Variants in GRP observed in about 807,000 individuals in gnomAD.
GRP encodes gastrin-releasing peptide.
Under a neutral mutation model 12.7 loss-of-function variants are expected in GRP, and 11 were observed. The observed-to-expected ratio is 0.87, with a 90% CI of 0.55 to 1.44. The LOEUF (loss-of-function observed/expected upper bound fraction) is 1.44. Ranked by LOEUF, GRP falls within the 40% of genes most tolerant of loss-of-function variation. The pLI, the probability that GRP is intolerant of heterozygous loss-of-function variation, is 0.00. For synonymous variants in GRP, 84 were observed against 77.7 expected, an observed-to-expected ratio of 1.08 and a Z score of -0.43; for missense variants, 212 against 185.4, an observed-to-expected ratio of 1.14 and a Z score of -0.83.
intron 2 of GRP, among the ~76,000 whole-genome samples, chr18:59,227,013 CTTTCTTT>C (rs1330546317): frequency 7.7e-6 from 1 of 130,102 alleles, no homozygotes; most frequent in Non-Finnish European, 1.7e-5. Context: ...TTCTTTCTTT[CTTTCTTT>C]CTTTCTTTCT....
chr18:59,224,097 T>C lies in GRP; in HGVS notation c.140-1395T>C, dbSNP rs576325901. On this transcript the variant is annotated intron_variant, in intron 1 of 2. Coordinates refer to ENST00000256857, the MANE Select transcript of GRP (RefSeq NM_002091.5). Reference sequence around the variant, plus strand: ...AAGCCTTTTGTAGACCTTATCCTTATTTCCAGATCCCAGAATGATTTTAGC... The same window carrying C: ...AAGCCTTTTGTAGACCTTATCCTTACTTCCAGATCCCAGAATGATTTTAGC... 2.6e-5 allele frequency among the ~76,000 whole-genome samples: 4 copies of C among 152,362 alleles called. No individual in the cohort carries two copies. In the South Asian group the frequency reaches 8.3e-4, roughly 32 times the overall value.
At chr18:59,222,413 A>G (rs939695597) in intron 1 of GRP, among the ~76,000 whole-genome samples, 4 of 152,194 alleles carry the variant, frequency 2.6e-5, no homozygotes, top group Admixed American at 2.6e-4. Flanking sequence ...TTATTCTCAA[A>G]TGCACTTTTT....
Position 59,220,183 on chromosome 18 carries a change from G to T in GRP, c.-83G>T. The T allele has an allele frequency of 8.7e-7, 1 of 1,151,184 alleles. No homozygotes were observed. Among genetic ancestry groups the T allele is most frequent in the African/African-American group, 1.6e-5 (1 of 61,376 alleles). 71.3% of individuals were successfully genotyped at this position (1,151,184 alleles called of 1,614,324 possible). On this transcript the variant is annotated 5_prime_UTR_variant, in exon 1 of 3. Transcript: ENST00000256857. ...AGCAGTAGCACCAGCGGCTGCGGCGGCGGAGCTCCTCCGAGGTCCGGGTCA... is the reference window on the plus strand; with the variant it reads ...AGCAGTAGCACCAGCGGCTGCGGCGTCGGAGCTCCTCCGAGGTCCGGGTCA...
chr18:59,221,713 G>A (rs2069838814), intron 1 of GRP, among the ~76,000 whole-genome samples: 1 of 152,108 alleles, frequency 6.6e-6, no homozygotes, highest in Admixed American at 6.5e-5. Context: ...AATCTTGATA[G>A]AAGATAAATA....
intron 2 of GRP, among the ~76,000 whole-genome samples, chr18:59,226,992 C>CCTTTCTTTCTTTCTTTCTTT (rs34258044): frequency 6.5e-5 from 7 of 107,890 alleles, no homozygotes; most frequent in East Asian, 2.4e-4. Flanking sequence ...TTCTTTTCTT[C>CCTTTCTTTCTTTCTTTCTTT]CTTTCTTTCT....
At chr18:59,226,505 C>T (rs565252312) in intron 2 of GRP, among the ~76,000 whole-genome samples, 1 of 152,164 alleles carries the variant, frequency 6.6e-6, no homozygotes, top group Non-Finnish European at 1.5e-5. Flanking sequence ...TTGGGCTAAG[C>T]AGTTTACCTC....
chr18:59,219,242 T>C (rs143069359), upstream of GRP, among the ~76,000 whole-genome samples: 1 of 151,484 alleles, frequency 6.6e-6, no homozygotes, highest in African/African-American at 2.4e-5. Flanking sequence ...CATAAAGCAG[T>C]TTCTTTCTCT....
intron 2 of GRP, among the ~76,000 whole-genome samples, chr18:59,227,687 C>A (rs2069965849): frequency 6.6e-6 from 1 of 152,144 alleles, no homozygotes; most frequent in African/African-American, 2.4e-5. Context: ...TTCTATAGTG[C>A]CTCATTTTTG....
At chr18:59,229,476 G>C (rs2069996470) in intron 2 of GRP, among the ~76,000 whole-genome samples, 1 of 152,146 alleles carries the variant, frequency 6.6e-6, no homozygotes, top group African/African-American at 2.4e-5. Flanking sequence ...GCCTGGGTTG[G>C]TGGAGGCAAG....
chr18:59,226,991 TCCTTTCTTTCTTTCTTTC>T (rs1198357237), intron 2 of GRP, among the ~76,000 whole-genome samples: 48 of 134,466 alleles, frequency 3.6e-4, no homozygotes, highest in African/African-American at 1.5e-3. Flanking sequence ...TTTCTTTTCT[TCCTTTCTTTCTTTCTTTC>T]TTTCTTTCTT....
At position 59,220,339 on chromosome 18, in the gene GRP, C is replaced by T. The variant is rs779351362; in HGVS notation, c.74C>T (p.Pro25Leu). Residue 25 changes from proline to leucine, a missense_variant, in exon 1 of 3, where the codon CCG (proline) becomes CTG (leucine). Transcript: ENST00000256857. ...CTGGCGCCCCGGGGGCGAGCGGTCC[C>T]GCTGCCTGCGGGCGGAGGGACCGTG... ...LCLAPRGRAV[P>L]LPAGGGTVLT... 2.0e-6 allele frequency: 3 copies of T among 1,485,054 alleles called. No homozygotes were observed. The East Asian group carries it at 8.2e-5, about 41-fold the overall frequency. 92.0% of individuals were successfully genotyped at this position (1,485,054 alleles called of 1,614,324 possible). A position where few individuals can be genotyped will look rare whatever the true frequency, so the allele number is the denominator to read the frequency against.
At chr18:59,224,907 T>A (rs2069891085) in intron 1 of GRP, among the ~76,000 whole-genome samples, 1 of 152,238 alleles carries the variant, frequency 6.6e-6, no homozygotes, top group South Asian at 2.1e-4. Flanking sequence ...GTTTTCTCAG[T>A]TCAGTCTCAA....
intron 2 of GRP, 43 bp downstream of exon 2, chr18:59,225,777 G>C: frequency 6.3e-7 from 1 of 1,594,694 alleles, no homozygotes; most frequent in Non-Finnish European, 8.6e-7. Flanking sequence ...AGGTATCTGG[G>C]GAGAGGTGGA....
At chr18:59,221,026 A>C (rs192156773) in intron 1 of GRP, among the ~76,000 whole-genome samples, 1 of 152,270 alleles carries the variant, frequency 6.6e-6, no homozygotes, top group African/African-American at 2.4e-5. Flanking sequence ...TTCGCTTTGC[A>C]GCGATATTCT....
intron 2 of GRP, among the ~76,000 whole-genome samples, chr18:59,229,416 G>A (rs2144116286): frequency 6.6e-6 from 1 of 152,224 alleles, no homozygotes; most frequent in Non-Finnish European, 1.5e-5. Flanking sequence ...GACTCATAAG[G>A]CAAGATGTGT....
intron 2 of GRP, 33 bp from the exon 3 acceptor site, chr18:59,230,371 C>G: frequency 8.4e-7 from 1 of 1,190,950 alleles, no homozygotes; most frequent in Non-Finnish European, 1.3e-6. Context: ...TCAGCTCACT[C>G]TGTTTGCTGA....
intron 2 of GRP, among the ~76,000 whole-genome samples, chr18:59,227,918 A>G (rs527479969): frequency 6.6e-6 from 1 of 152,318 alleles, no homozygotes; most frequent in South Asian, 2.1e-4. Flanking sequence ...GCAGCTGCCG[A>G]GAGTGACTGC....
At chr18:59,219,542 G>GGGGGGGAGA (rs1555662305), upstream of GRP, among the ~76,000 whole-genome samples, 1 of 9,912 alleles carries the variant, frequency 1.0e-4, no homozygotes. Context: ...AGGAGGGGAA[G>GGGGGGGAGA]GGAGGGGAGA....
chr18:59,229,164 C>T (rs946643730), intron 2 of GRP, among the ~76,000 whole-genome samples: 1 of 152,126 alleles, frequency 6.6e-6, no homozygotes, highest in African/African-American at 2.4e-5. Flanking sequence ...ATTACCCTGG[C>T]ACTTTCTATG....
Sources: allele counts gnomAD v4.1 joint callset (sites outside exome capture counted in the v4.1 genomes callset), GRCh38; gene constraint gnomAD v4.1.1; transcripts MANE v1.5; gene names NCBI Gene and HGNC (gene_info 2026-07-23, HGNC 2026-07-21).